The following RPS6KC1 variants were observed in gnomAD, a reference collection of about 807,000 sequenced individuals.
The protein encoded by RPS6KC1 is inactive ribosomal protein S6 kinase delta-1.
Under a neutral mutation model 103.8 loss-of-function variants are expected in RPS6KC1, and 54 were observed. The observed-to-expected ratio is 0.52, with a 90% CI of 0.42 to 0.65. RPS6KC1 has a LOEUF of 0.65. Ranked by LOEUF, RPS6KC1 falls within the 30% of genes least tolerant of loss-of-function variation. The pLI, the probability that RPS6KC1 is intolerant of heterozygous loss-of-function variation, is 0.00. For synonymous variants in RPS6KC1, 439 were observed against 438.7 expected, an observed-to-expected ratio of 1.00 and a Z score of -0.01; for missense variants, 1,151 against 1,253.8, an observed-to-expected ratio of 0.92 and a Z score of 1.24.
At chr1:213,182,694 G>A (rs2092328262) in intron 8 of RPS6KC1, among the ~76,000 whole-genome samples, 2 of 149,930 alleles carry the variant, frequency 1.3e-5, no homozygotes, top group Admixed American at 1.3e-4. Context: ...CCAACTTTAT[G>A]GTGTTTATAA....
chr1:213,295,747 A>C, the RPS6KC1 span, among the ~76,000 whole-genome samples: 1 of 152,326 alleles, frequency 6.6e-6, no homozygotes, highest in South Asian at 2.1e-4. Context: ...AAACATTATA[A>C]GGATATATTG....
At chr1:213,713,360 T>C in the RPS6KC1 span, among the ~76,000 whole-genome samples, 1 of 152,224 alleles carries the variant, frequency 6.6e-6, no homozygotes, top group African/African-American at 2.4e-5. Flanking sequence ...ACTTCTGCTT[T>C]GTGATCTCGC....
intron 12 of RPS6KC1, among the ~76,000 whole-genome samples, chr1:213,257,508 A>T (rs1029370957): frequency 6.6e-6 from 1 of 152,182 alleles, no homozygotes; most frequent in African/African-American, 2.4e-5. Context: ...ACATAAATAC[A>T]ATATTCTCTC....
chr1:213,566,382 T>C, the RPS6KC1 span, among the ~76,000 whole-genome samples: 2 of 149,898 alleles, frequency 1.3e-5, no homozygotes, highest in African/African-American at 2.4e-5. Context: ...CTTTTATTGC[T>C]CTCAGGTCTC....
At chr1:213,338,236 T>C in the RPS6KC1 span, among the ~76,000 whole-genome samples, 2 of 152,208 alleles carry the variant, frequency 1.3e-5, no homozygotes, top group African/African-American at 4.8e-5. Context: ...CTTTTCAGCA[T>C]GAACTTCACT....
At position 213,241,954 on chromosome 1, in the gene RPS6KC1, A is replaced by G; in HGVS notation, c.2478A>G (p.Ser826=). 1 of 1,614,068 alleles carries G rather than the reference A, an allele frequency of 6.2e-7. No homozygotes were observed. The highest frequency in any genetic ancestry group is 1.3e-5 in the African/African-American group (1 of 75,060). ...TATTCCGTATTTGTAGTCCACTCTC[A>G]GGTGCTAATGAATATATTGCAAGCA... ...ESLFRICSPL[S]GANEYIASTD... is the part of the protein sequence containing the mutation. The change falls in exon 11 of 15, where the codon TCA becomes TCG. Residue 826 remains serine (S), a synonymous_variant. Transcript: ENST00000366960.
At chr1:213,642,442 G>C in the RPS6KC1 span, among the ~76,000 whole-genome samples, 1 of 151,960 alleles carries the variant, frequency 6.6e-6, no homozygotes, top group Non-Finnish European at 1.5e-5. Flanking sequence ...AATATCACAC[G>C]TTCTTTTCTG....
the RPS6KC1 span, among the ~76,000 whole-genome samples, chr1:213,411,283 G>A: frequency 1.3e-5 from 2 of 152,180 alleles, no homozygotes; most frequent in Non-Finnish European, 2.9e-5. Flanking sequence ...CAGGTGTGTG[G>A]CAGAGGTGAA....
chr1:213,283,593 T>A, the RPS6KC1 span, among the ~76,000 whole-genome samples: 2 of 152,226 alleles, frequency 1.3e-5, no homozygotes, highest in South Asian at 4.2e-4. Flanking sequence ...GTGGAAGGTG[T>A]TTTGCCCACT....
At chr1:213,587,832 AC>A in the RPS6KC1 span, among the ~76,000 whole-genome samples, 1 of 152,150 alleles carries the variant, frequency 6.6e-6, no homozygotes, top group African/African-American at 2.4e-5. Context: ...TTATCTCCCC[AC>A]CCTCAACTCA....
At chr1:213,488,991 C>T in the RPS6KC1 span, among the ~76,000 whole-genome samples, 1 of 152,106 alleles carries the variant, frequency 6.6e-6, no homozygotes, top group Non-Finnish European at 1.5e-5. Flanking sequence ...TTCTCTTTTC[C>T]CCTTAACATG....
the RPS6KC1 span, among the ~76,000 whole-genome samples, chr1:213,543,531 G>T: frequency 0.03 from 4,636 of 152,222 alleles, 227 homozygotes; most frequent in African/African-American, 0.11. Flanking sequence ...TAATAATTGG[G>T]GTTAGGAGGA....
the RPS6KC1 span, among the ~76,000 whole-genome samples, chr1:213,648,902 A>C: frequency 6.6e-6 from 1 of 151,734 alleles, no homozygotes; most frequent in Non-Finnish European, 1.5e-5. Context: ...CAGTTTCTTC[A>C]CTCTGCTCTC....
At chr1:213,517,301 G>A in the RPS6KC1 span, among the ~76,000 whole-genome samples, 28 of 152,146 alleles carry the variant, frequency 1.8e-4, no homozygotes, top group African/African-American at 6.5e-4. Context: ...TGCTTCTCTA[G>A]TTCTTTTAAT....
the RPS6KC1 span, chr1:213,546,406 G>T: frequency 2.0e-5 from 3 of 152,162 alleles, no homozygotes; most frequent in Non-Finnish European, 4.4e-5. Flanking sequence ...GGCATTCCAT[G>T]TCCATGGATG....
intron 1 of RPS6KC1, 109 bp from the exon 2 acceptor site, chr1:213,070,897 T>G (rs1055956528): frequency 4.4e-6 from 3 of 680,898 alleles, no homozygotes; most frequent in Non-Finnish European, 7.3e-6. Flanking sequence ...TGTTTATTTT[T>G]TTAAGCAAAT....
intron 6 of RPS6KC1, among the ~76,000 whole-genome samples, chr1:213,146,914 C>T (rs1483409822): frequency 6.6e-6 from 1 of 152,126 alleles, no homozygotes; most frequent in East Asian, 1.9e-4. Context: ...GATAATATCT[C>T]ATTGTAGTTT....
chr1:213,159,131 T>C (rs78070666), intron 6 of RPS6KC1, among the ~76,000 whole-genome samples: 1 of 152,068 alleles, frequency 6.6e-6, no homozygotes, highest in Admixed American at 6.5e-5. Flanking sequence ...AAACAACCCT[T>C]AAACTTCTGT....
the RPS6KC1 span, among the ~76,000 whole-genome samples, chr1:213,755,267 A>C: frequency 6.6e-6 from 1 of 152,138 alleles, no homozygotes; most frequent in Non-Finnish European, 1.5e-5. Flanking sequence ...AGCTGCGAAA[A>C]CTTTTGCACC....
Sources: allele counts gnomAD v4.1 joint callset (sites outside exome capture counted in the v4.1 genomes callset), GRCh38; gene constraint gnomAD v4.1.1; transcripts MANE v1.5; gene names NCBI Gene and HGNC (gene_info 2026-07-23, HGNC 2026-07-21).